Variants in RGSL1 observed in about 807,000 individuals in gnomAD.
The protein encoded by RGSL1 is regulator of G protein signaling protein-like.
A neutral mutation model predicts 124.7 loss-of-function variants in RGSL1; 97 were observed. The observed-to-expected ratio is 0.78, with a 90% confidence interval of 0.66 to 0.92. RGSL1 has a LOEUF of 0.92. Ranked by LOEUF, RGSL1 falls within the 40% of genes least tolerant of loss-of-function variation. The pLI is 0.00. For missense variants in RGSL1, 1,233 were observed against 1,288.4 expected, an observed-to-expected ratio of 0.96 and a Z score of 0.66; for synonymous variants, 424 against 438.1, an observed-to-expected ratio of 0.97 and a Z score of 0.40.
chr1:182,509,606 T>A (rs1185085483), intron 9 of RGSL1, among the ~76,000 whole-genome samples: 2 of 120,164 alleles, frequency 1.7e-5, no homozygotes, highest in South Asian at 2.9e-4. Context: ...CACTTCCCAG[T>A]AGGGGCGGCT....
Position 182,474,102 on chromosome 1 carries a change from G to A in RGSL1, c.991G>A (p.Glu331Lys), listed in dbSNP as rs867909353. Residue 331 changes from glutamate (E) to lysine (K), a missense_variant, in exon 6 of 22, where the codon GAA becomes AAA. Physicochemically the swap from Glu to Lys is moderately conservative, Grantham distance 56. Transcript: ENST00000294854. ...TAAAGCCAAGAGCCACCTCCACATG[G>A]AAGCCCCCTTTGAGACAAAGGTCTC... ...ENKAKSHLHM[E>K]APFETKVSTH... 1 of 1,551,838 alleles carries A rather than the reference G, an allele frequency of 6.4e-7. No homozygotes were observed. Among genetic ancestry groups the A allele is most frequent in the Non-Finnish European group, 8.7e-7 (1 of 1,147,018 alleles).
chr1:182,465,613 A>G (rs891363514), intron 4 of RGSL1, among the ~76,000 whole-genome samples: 3 of 152,102 alleles, frequency 2.0e-5, no homozygotes, highest in Admixed American at 2.0e-4. Flanking sequence ...AAATATAATA[A>G]TAATAATAAA....
chr1:182,472,361 G>T, intron 4 of RGSL1, 35 bp from the exon 5 acceptor site: 1 of 1,512,428 alleles, frequency 6.6e-7, no homozygotes. Flanking sequence ...GCAAAACTAG[G>T]GTATAGCTCT....
At chr1:182,522,511 A>G (rs1388313043) in intron 10 of RGSL1, among the ~76,000 whole-genome samples, 1 of 152,196 alleles carries the variant, frequency 6.6e-6, no homozygotes, top group Non-Finnish European at 1.5e-5. Flanking sequence ...GTACTGCTGT[A>G]GTAGCCTCCT....
chr1:182,544,736 A>G (rs1341166701), intron 15 of RGSL1, among the ~76,000 whole-genome samples: 1 of 152,020 alleles, frequency 6.6e-6, no homozygotes, highest in East Asian at 1.9e-4. Context: ...CCCCTTTGTC[A>G]TTATATAATA....
chr1:182,481,158 TAA>T (rs1184291880), intron 6 of RGSL1, among the ~76,000 whole-genome samples: 1 of 151,946 alleles, frequency 6.6e-6, no homozygotes, highest in African/African-American at 2.4e-5. Flanking sequence ...AACATAAAAC[TAA>T]GTTTGTTTTC....
At chr1:182,482,256 T>C (rs969536086) in intron 6 of RGSL1, among the ~76,000 whole-genome samples, 17 of 152,194 alleles carry the variant, frequency 1.1e-4, no homozygotes, top group Non-Finnish European at 1.2e-4. Flanking sequence ...AGGCCATTTA[T>C]GAAAAGCTTG....
intron 9 of RGSL1, among the ~76,000 whole-genome samples, chr1:182,500,423 A>G (rs149757770): frequency 6.6e-6 from 1 of 152,320 alleles, no homozygotes; most frequent in African/African-American, 2.4e-5. Flanking sequence ...GTTTTATAGT[A>G]AGTTTTAAAA....
At chr1:182,500,928 T>C (rs1656305412) in intron 9 of RGSL1, among the ~76,000 whole-genome samples, 1 of 152,238 alleles carries the variant, frequency 6.6e-6, no homozygotes, top group Non-Finnish European at 1.5e-5. Context: ...GTGTCACGTG[T>C]CACCTCTGAA....
intron 2 of RGSL1, among the ~76,000 whole-genome samples, chr1:182,454,582 T>TTG (rs1245522420): frequency 1.9e-4 from 23 of 119,752 alleles, no homozygotes; most frequent in South Asian, 1.7e-3. Flanking sequence ...CTCTCTTGAG[T>TTG]TGTATGTGTG....
rs1660851355 is a variant in RGSL1 at position 182,556,143 on chromosome 1, C to G, written c.*86C>G. On this transcript the variant is annotated 3_prime_UTR_variant, in exon 21 of 22. Coordinates refer to ENST00000294854, the MANE Select transcript of RGSL1 (RefSeq NM_001137669.2). The stretch of plus-strand genomic sequence containing the variant: ...ACTTTTCTGGTCAAAAATGAAAGGT[C>G]CTGGTACCATCTTCCCCAGAAACGA... The G allele has an allele frequency of 7.6e-7, 1 of 1,311,342 alleles. No homozygotes were observed. Among genetic ancestry groups the G allele is most frequent in the Non-Finnish European group, 1.1e-6 (1 of 944,730 alleles). 81.2% of individuals were successfully genotyped at this position (1,311,342 alleles called of 1,614,324 possible).
intron 9 of RGSL1, among the ~76,000 whole-genome samples, chr1:182,517,670 A>T (rs1293973247): frequency 1.3e-5 from 2 of 152,042 alleles, no homozygotes; most frequent in Admixed American, 1.3e-4. Flanking sequence ...AGAGCCTCTA[A>T]TGAATTTTTA....
At chr1:182,559,045 A>T (rs1661021164) in intron 21 of RGSL1, among the ~76,000 whole-genome samples, 1 of 152,060 alleles carries the variant, frequency 6.6e-6, no homozygotes, top group African/African-American at 2.4e-5. Context: ...ACTTGGGAAC[A>T]CCATTTTTTT....
At chr1:182,551,324 G>A in intron 18 of RGSL1, 115 bp downstream of exon 18, 1 of 792,412 alleles carries the variant, frequency 1.3e-6, no homozygotes, top group Admixed American at 2.4e-5. Flanking sequence ...GCTGGAGCCG[G>A]GACAGCTCAT....
At chr1:182,523,040 A>ATTT (rs5779137) in intron 10 of RGSL1, among the ~76,000 whole-genome samples, 68 of 150,266 alleles carry the variant, frequency 4.5e-4, no homozygotes, top group African/African-American at 1.1e-3. Flanking sequence ...TTTTTAATTA[A>ATTT]TTTTTTTTTC....
chr1:182,558,340 G>T (rs1660981725), intron 21 of RGSL1, among the ~76,000 whole-genome samples: 1 of 152,172 alleles, frequency 6.6e-6, no homozygotes, highest in Admixed American at 6.5e-5. Context: ...GACCAGGTAA[G>T]GAACCTGGCC....
chr1:182,553,105 C>T (rs187668857), intron 18 of RGSL1, among the ~76,000 whole-genome samples: 6 of 152,076 alleles, frequency 3.9e-5, no homozygotes, highest in South Asian at 2.1e-4. Flanking sequence ...GGTTTTGCCA[C>T]GTTGGTCAGG....
At chr1:182,458,156 T>C in intron 2 of RGSL1, 163 bp from the exon 3 acceptor site, 3 of 559,460 alleles carry the variant, frequency 5.4e-6, no homozygotes, top group Non-Finnish European at 9.7e-6. Flanking sequence ...CTTGTTTGCA[T>C]GTGTGCAGGG....
At chr1:182,472,325 T>C in intron 4 of RGSL1, 71 bp from the exon 5 acceptor site, 1 of 1,388,442 alleles carries the variant, frequency 7.2e-7, no homozygotes, top group Non-Finnish European at 9.7e-7. Flanking sequence ...TGTCAGTTGA[T>C]TCACCCAGAT....
Sources: gnomAD v4.1 joint callset for allele counts (sites outside exome capture counted in the v4.1 genomes callset) on GRCh38, gnomAD v4.1.1 for gene constraint, MANE v1.5 for transcripts, NCBI Gene and HGNC (gene_info 2026-07-23, HGNC 2026-07-21) for gene names.